Variants in COL6A6 observed in about 807,000 individuals in gnomAD.
COL6A6 encodes the protein collagen alpha-6(VI) chain.
A neutral mutation model predicts 208.6 loss-of-function variants in COL6A6; 183 were observed. That is an observed-to-expected ratio of 0.88 (90% CI 0.78 to 0.99). The LOEUF is 0.99. Among genes scored for constraint, COL6A6 ranks in the 50% least tolerant of loss-of-function variants. The probability of loss-of-function intolerance (pLI) is 0.00; values close to 1 mark genes in which losing one functional copy is unlikely to be tolerated. For synonymous variants in COL6A6, 973 were observed against 1,011.8 expected, an observed-to-expected ratio of 0.96 and a Z score of 0.73; for missense variants, 2,816 against 2,815.2, an observed-to-expected ratio of 1.00 and a Z score of -0.01.
rs770806258 is a variant in COL6A6 at position 130,571,073 on chromosome 3, C to T, written c.2657C>T (p.Thr886Ile). 1.5e-5 allele frequency: 24 copies of T among 1,613,748 alleles called. No individual in the cohort carries two copies. In the African/African-American group the frequency reaches 2.7e-4, roughly 18 times the overall value. The change falls in exon 7 of 37, where the codon ACT (threonine) becomes ATT (isoleucine). Residue 886 changes from threonine (T) to isoleucine (I), a missense_variant. By Grantham distance (89) the Thr-to-Ile change is moderately conservative. Coordinates refer to ENST00000358511, the MANE Select transcript of COL6A6 (RefSeq NM_001102608.3). The part of the protein sequence containing the change: ...LQNDQAMGGS[T>I]YTAEALGFSD... ...AATGACCAAGCCATGGGTGGCAGTA[C>T]TTATACTGCTGAGGCACTGGGCTTC...
intron 11 of COL6A6, among the ~76,000 whole-genome samples, chr3:130,588,647 C>G (rs939147152): frequency 6.6e-6 from 1 of 152,124 alleles, no homozygotes; most frequent in Non-Finnish European, 1.5e-5. Flanking sequence ...TCTAAATTCT[C>G]TAGCATACCA....
chr3:130,603,634 A>C (rs772538030), intron 20 of COL6A6, among the ~76,000 whole-genome samples: 12 of 152,192 alleles, frequency 7.9e-5, no homozygotes, highest in Admixed American at 3.3e-4. Context: ...CCTCAAATTA[A>C]TGCATATCCT....
At chr3:130,531,470 C>T (rs1248908916) in intron 1 of COL6A6, among the ~76,000 whole-genome samples, 2 of 152,182 alleles carry the variant, frequency 1.3e-5, no homozygotes, top group South Asian at 2.1e-4. Context: ...CCCTAGTTCA[C>T]TCCCATTGAA....
rs1057110005 is a variant in COL6A6 at position 130,606,785 on chromosome 3, A to G, written c.4654-146A>G. 6 of 538,540 alleles carry G rather than the reference A, an allele frequency of 1.1e-5. No individual in the cohort carries two copies. The East Asian group carries it at 1.3e-4, about 11-fold the overall frequency. 33.4% of individuals were successfully genotyped at this position (538,540 alleles called of 1,614,324 possible). ...TTAGATTTAGCAGTATTTTGCTTTC[A>G]TGGTACAGTGGAAAATTGAATGTTG... On this transcript the variant is annotated intron_variant, in intron 20 of 36. Transcript: ENST00000358511.
intron 32 of COL6A6, among the ~76,000 whole-genome samples, chr3:130,645,724 A>G (rs982800872): frequency 1.3e-5 from 2 of 152,210 alleles, no homozygotes; most frequent in African/African-American, 4.8e-5. Flanking sequence ...AACTCAGATA[A>G]TGCCAGAATC....
At position 130,586,024 on chromosome 3, in the gene COL6A6, AG is replaced by A. The variant is rs574349112; in HGVS notation, c.3971-480del. On this transcript the variant is annotated intron_variant, in intron 10 of 36. Coordinates refer to ENST00000358511, the MANE Select transcript of COL6A6 (RefSeq NM_001102608.3). ...GGCTGGGGTGCAGGGGCACAATCAC[AG>A]GTCACTGCAGGCTCAACCTCCCAGG... Among the ~76,000 whole-genome samples, 195 of 152,344 alleles carry A rather than the reference AG, an allele frequency of 1.3e-3. 1 individual carries two copies. Among genetic ancestry groups the A allele is most frequent in the African/African-American group, 4.6e-3 (190 of 41,584 alleles).
chr3:130,584,000 C>G (rs2063481644), intron 10 of COL6A6, among the ~76,000 whole-genome samples: 1 of 152,246 alleles, frequency 6.6e-6, no homozygotes, highest in African/African-American at 2.4e-5. Context: ...GCGGACGTGG[C>G]TGTAAAACTT....
chr3:130,610,061 A>T (rs1233589945), intron 22 of COL6A6, among the ~76,000 whole-genome samples: 1 of 151,558 alleles, frequency 6.6e-6, no homozygotes, highest in African/African-American at 2.4e-5. Context: ...TAAGCAAGTA[A>T]TACTATGGCA....
intron 25 of COL6A6, 90 bp from the exon 26 acceptor site, chr3:130,627,229 A>G (rs1576356864): frequency 7.8e-7 from 1 of 1,289,674 alleles, no homozygotes; most frequent in East Asian, 2.3e-5. Flanking sequence ...CCTTTATCAA[A>G]CCAAAAAGCT....
At chr3:130,664,864 T>TC in intron 35 of COL6A6, 139 bp from the exon 36 acceptor site, 2 of 602,554 alleles carry the variant, frequency 3.3e-6, no homozygotes, top group South Asian at 3.9e-5. Flanking sequence ...AAATCTGCTT[T>TC]CATTTCATGT....
chr3:130,592,327 C>T lies in COL6A6; in HGVS notation c.4273-214C>T, dbSNP rs575536614. Among the ~76,000 whole-genome samples the T allele has an allele frequency of 8.5e-5, 13 of 152,274 alleles. No homozygotes were observed. The South Asian group carries it at 2.5e-3, about 29-fold the overall frequency. On this transcript the variant is annotated intron_variant, in intron 13 of 36. Transcript: ENST00000358511. Reference sequence around the variant, plus strand: ...ACCACTTGGTGAGAGAGAAGTCTCACACAGGCAGTATGCAAGTGGGATCCA... The same window carrying T: ...ACCACTTGGTGAGAGAGAAGTCTCATACAGGCAGTATGCAAGTGGGATCCA...
intron 10 of COL6A6, among the ~76,000 whole-genome samples, chr3:130,585,575 A>C (rs1176374199): frequency 1.3e-5 from 2 of 152,182 alleles, no homozygotes; most frequent in Non-Finnish European, 2.9e-5. Context: ...CTTACCTAGC[A>C]AAATAAGTCA....
chr3:130,577,572 G>A (rs1440390200), intron 8 of COL6A6, among the ~76,000 whole-genome samples: 3 of 152,184 alleles, frequency 2.0e-5, no homozygotes, highest in Non-Finnish European at 2.9e-5. Flanking sequence ...CTAGCAACCT[G>A]CATGACTTGT....
At chr3:130,620,104 C>G (rs2064665764) in intron 23 of COL6A6, among the ~76,000 whole-genome samples, 1 of 150,950 alleles carries the variant, frequency 6.6e-6, no homozygotes, top group South Asian at 2.1e-4. Context: ...CTGGTTAAGT[C>G]TTGAGTTTTG....
At chr3:130,528,612 G>A (rs533546310) in intron 1 of COL6A6, among the ~76,000 whole-genome samples, 1 of 152,284 alleles carries the variant, frequency 6.6e-6, no homozygotes, top group Admixed American at 6.5e-5. Context: ...GCAAAGCAGA[G>A]CATCATTTTG....
chr3:130,590,370 T>G (rs12496086), intron 12 of COL6A6, among the ~76,000 whole-genome samples: 111,207 of 112,378 alleles, frequency 0.99, 55,034 homozygotes, highest in Middle Eastern at 1. Flanking sequence ...GTGCAGGTCT[T>G]TTACATATGT....
intron 1 of COL6A6, among the ~76,000 whole-genome samples, chr3:130,545,833 G>T (rs1264947733): frequency 1.3e-5 from 2 of 152,126 alleles, no homozygotes; most frequent in Admixed American, 6.5e-5. Flanking sequence ...CATTTATCCT[G>T]CTTGGTGCTC....
At chr3:130,580,206 CAG>C (rs1560020867) in intron 8 of COL6A6, among the ~76,000 whole-genome samples, 1 of 152,142 alleles carries the variant, frequency 6.6e-6, no homozygotes, top group East Asian at 1.9e-4. Flanking sequence ...AAGCTCAAGA[CAG>C]ATATGAGAAG....
chr3:130,560,031 A>C (rs2062846970), intron 1 of COL6A6, among the ~76,000 whole-genome samples: 1 of 152,228 alleles, frequency 6.6e-6, no homozygotes, highest in Admixed American at 6.5e-5. Context: ...GCTAGGGTAC[A>C]GGAAAATAAA....
Sources: allele counts gnomAD v4.1 joint callset (sites outside exome capture counted in the v4.1 genomes callset), GRCh38; gene constraint gnomAD v4.1.1; transcripts MANE v1.5; gene names NCBI Gene and HGNC (gene_info 2026-07-23, HGNC 2026-07-21).